Variants in MADD observed in about 807,000 individuals in gnomAD.
MADD encodes the protein MAP kinase activating death domain.
MADD carries 109 observed loss-of-function variants against 176.7 expected under a neutral mutation model. That is an observed-to-expected ratio of 0.62 (90% CI 0.53 to 0.72). MADD has a LOEUF of 0.72. Ranked by LOEUF, MADD falls within the 30% of genes least tolerant of loss-of-function variation. MADD has a pLI of 0.00. For synonymous variants in MADD, 771 were observed against 771.3 expected (o/e 1.00, Z 0.01); for missense variants, 1,914 against 2,045.5 (o/e 0.94, Z 1.24).
chr11:47,283,385 G>A (rs939224641), intron 10 of MADD, among the ~76,000 whole-genome samples: 11 of 151,296 alleles, frequency 7.3e-5, no homozygotes, highest in Admixed American at 2.0e-4. Context: ...GAGCCACCGC[G>A]CCCGGCCTTA....
At chr11:47,321,500 G>A (rs1185142385) in intron 27 of MADD, among the ~76,000 whole-genome samples, 1 of 152,174 alleles carries the variant, frequency 6.6e-6, no homozygotes, top group African/African-American at 2.4e-5. Flanking sequence ...TAAGACAGAC[G>A]TGATTTCTAT....
intron 13 of MADD, 44 bp downstream of exon 13, chr11:47,285,238 T>C (rs775345506): frequency 4.2e-5 from 67 of 1,600,340 alleles, no homozygotes; most frequent in Non-Finnish European, 5.7e-5. Flanking sequence ...CTGAAGGACC[T>C]CACCTCAGTG....
intron 32 of MADD, 52 bp downstream of exon 36, chr11:47,328,756 G>T: frequency 6.2e-7 from 1 of 1,610,464 alleles, no homozygotes; most frequent in Non-Finnish European, 8.5e-7. Flanking sequence ...GCTCCCTGGG[G>T]GACCTTCGGA....
chr11:47,323,731 T>TA lies in MADD; in HGVS notation c.4259dup (p.Tyr1420Ter), dbSNP rs1474353541. The TA allele has an allele frequency of 6.2e-7, 1 of 1,614,152 alleles. No homozygotes were observed. Reference sequence around the variant, plus strand: ...CGGAACAGTGTATGAGCGCTGGTGGTACGAGAAGCTCATCAACATGACCTA... The same window carrying TA: ...CGGAACAGTGTATGAGCGCTGGTGGTAACGAGAAGCTCATCAACATGACCTA... The change falls in exon 28 of 33, where the codon TAC (tyrosine) becomes TAAC (stop). Residue 1420 changes from tyrosine (Y) to a stop codon, truncating the protein, a stop_gained and frameshift_variant. Coordinates refer to ENST00000402192, the Ensembl canonical transcript of MADD. LOFTEE classifies it high-confidence loss of function.
exon 5 of MADD, chr11:47,276,758 T>A: frequency 6.2e-7 from 1 of 1,614,206 alleles, no homozygotes. Flanking sequence ...GAGACTACAA[T>A]GCACTCTCCA....
rs2071196840 is a variant in MADD at position 47,295,893 on chromosome 11, C to G, written c.3484-4C>G. ...TGTCTCTTACTACCTTTTTTCCTTT[C>G]CAGGTGAGTAATAGCTCTGGAGAGA... On this transcript the variant is annotated splice_polypyrimidine_tract_variant and splice_region_variant and intron_variant, in intron 21 of 32. Coordinates refer to ENST00000402192, the Ensembl canonical transcript of MADD. 2 of 1,605,340 alleles carry G rather than the reference C, an allele frequency of 1.2e-6. No individual in the cohort carries two copies. Among genetic ancestry groups the G allele is most frequent in the Non-Finnish European group, 8.5e-7 (1 of 1,177,210 alleles).
exon 15 of MADD, chr11:47,286,479 C>T (rs917139794): frequency 5.0e-6 from 8 of 1,614,174 alleles, no homozygotes; most frequent in African/African-American, 1.3e-5. Context: ...TTTCAAACCT[C>T]ACACTGCCCA....
At chr11:47,288,683 C>T (rs536143486) in intron 15 of MADD, among the ~76,000 whole-genome samples, 1 of 152,172 alleles carries the variant, frequency 6.6e-6, no homozygotes, top group Non-Finnish European at 1.5e-5. Flanking sequence ...TTTCTGAAAA[C>T]CAGCGGTCCC....
At chr11:47,312,921 A>G (rs981674125) in intron 26 of MADD, among the ~76,000 whole-genome samples, 5 of 152,352 alleles carry the variant, frequency 3.3e-5, no homozygotes, top group African/African-American at 1.2e-4. Flanking sequence ...AAGAAAAGCA[A>G]TTTGCAGCCT....
At chr11:47,322,904 C>A (rs926757275) in intron 27 of MADD, among the ~76,000 whole-genome samples, 1 of 151,988 alleles carries the variant, frequency 6.6e-6, no homozygotes, top group African/African-American at 2.4e-5. Context: ...GGCATGAGAT[C>A]TCCTCCAAAT....
At chr11:47,295,510 C>T (rs189657011) in exon 21 of MADD, 10 of 1,614,032 alleles carry the variant, frequency 6.2e-6, no homozygotes, top group East Asian at 4.5e-5. Flanking sequence ...CTGATCAAGA[C>T]TCTGTCATCG....
Position 47,328,368 on chromosome 11 carries a change from C to T in MADD, c.4613-290C>T, listed in dbSNP as rs539045893. On this transcript the variant is annotated intron_variant, in intron 31 of 32. Coordinates refer to ENST00000402192, the Ensembl canonical transcript of MADD. ...CCAGGCTGGTGAAAGGCCCGTCCCT[C>T]CCATCCAGGGCTTTCAAAGAAGTGG... 11 of 1,345,044 alleles carry T rather than the reference C, an allele frequency of 8.2e-6. No individual in the cohort carries two copies. In the East Asian group the frequency reaches 1.6e-4, roughly 19 times the overall value. The allele number at this position is 1,345,044 out of a possible 1,614,324, so 83.3% of individuals were successfully genotyped here. A position where few individuals can be genotyped will look rare whatever the true frequency, so the allele number is the denominator to read the frequency against.
chr11:47,298,184 CTT>C (rs1207753699), intron 22 of MADD, among the ~76,000 whole-genome samples: 1 of 152,212 alleles, frequency 6.6e-6, no homozygotes, highest in Non-Finnish European at 1.5e-5. Context: ...TTCCTGTTTA[CTT>C]TTAGATGCTT....
intron 15 of MADD, 111 bp downstream of exon 16, chr11:47,289,138 G>T: frequency 8.9e-7 from 1 of 1,118,210 alleles, no homozygotes. Context: ...TGAGTGACCT[G>T]CTTGCCCCGT....
chr11:47,299,197 C>G (rs2075583453), intron 22 of MADD, among the ~76,000 whole-genome samples: 1 of 152,006 alleles, frequency 6.6e-6, no homozygotes, highest in South Asian at 2.1e-4. Context: ...TTTTCTATTT[C>G]TGTGAAGAAT....
intron 22 of MADD, among the ~76,000 whole-genome samples, chr11:47,296,424 T>A (rs2071924693): frequency 6.6e-6 from 1 of 152,244 alleles, no homozygotes; most frequent in African/African-American, 2.4e-5. Flanking sequence ...TTCTATGGAC[T>A]ATCCAGTTTT....
At chr11:47,323,762 C>A in exon 28 of MADD, 1 of 1,614,106 alleles carries the variant, frequency 6.2e-7, no homozygotes, top group Middle Eastern at 1.7e-4. Flanking sequence ...ACCTACTGTC[C>A]CAAGACGAAG....
intron 24 of MADD, 43 bp from the exon 28 acceptor site, chr11:47,309,464 G>A: frequency 1.9e-6 from 3 of 1,614,100 alleles, no homozygotes; most frequent in Non-Finnish European, 2.5e-6. Context: ...TAGTTCTGTG[G>A]TCTCCCACTT....
At chr11:47,298,895 A>G (rs1024202618) in intron 22 of MADD, among the ~76,000 whole-genome samples, 1 of 152,136 alleles carries the variant, frequency 6.6e-6, no homozygotes, top group African/African-American at 2.4e-5. Context: ...TTTTCTGAAT[A>G]ATGGATATCA....
Sources: allele counts gnomAD v4.1 joint callset (sites outside exome capture counted in the v4.1 genomes callset), GRCh38; gene constraint gnomAD v4.1.1; transcripts MANE v1.5; gene names NCBI Gene and HGNC (gene_info 2026-07-23, HGNC 2026-07-21).